CFAP299: variants seen among roughly 807,000 people sequenced by gnomAD.
CFAP299 encodes the protein cilia- and flagella-associated protein 299.
Under a neutral mutation model 27.0 loss-of-function variants are expected in CFAP299, and 21 were observed. The ratio of observed to expected loss-of-function variants is 0.78; its 90% CI spans 0.55 to 1.12. The LOEUF (loss-of-function observed/expected upper bound fraction) is 1.12. Ranked by LOEUF, CFAP299 falls within the 50% of genes most tolerant of loss-of-function variation. CFAP299 has a pLI of 0.00. For synonymous variants in CFAP299, 104 were observed against 98.1 expected (o/e 1.06, Z -0.36); for missense variants, 310 against 276.6 (o/e 1.12, Z -0.86).
intron 4 of CFAP299, among the ~76,000 whole-genome samples, chr4:80,880,692 C>T (rs1016689444): frequency 1.1e-4 from 16 of 151,978 alleles, no homozygotes; most frequent in Admixed American, 7.9e-4. Flanking sequence ...CACCACCGTA[C>T]TCCAGGCTAG....
intron 3 of CFAP299, among the ~76,000 whole-genome samples, chr4:80,635,724 TC>T (rs1214230797): frequency 6.6e-6 from 1 of 152,152 alleles, no homozygotes; most frequent in East Asian, 1.9e-4. Flanking sequence ...CTTAGATTCC[TC>T]CCAGGTGTTA....
chr4:80,911,602 TA>T (rs1735476263), intron 4 of CFAP299, among the ~76,000 whole-genome samples: 1 of 152,106 alleles, frequency 6.6e-6, no homozygotes, highest in Non-Finnish European at 1.5e-5. Flanking sequence ...CTTAGAGTGT[TA>T]AGAAAAAATC....
At position 80,591,904 on chromosome 4, in the gene CFAP299, A is replaced by T. The variant is rs188210731; in HGVS notation, c.333+8721A>T. Among the ~76,000 whole-genome samples the T allele has an allele frequency of 2.6e-3, 392 of 152,332 alleles. 2 individuals carry two copies. Among genetic ancestry groups the T allele is most frequent in the Non-Finnish European group, 4.3e-3 (292 of 68,014 alleles). Reference sequence around the variant, plus strand: ...TTAAAATTAGTATGGTTTATTTTTAACAAAGAGAGAATAATCATTTAGTAG... The same window carrying T: ...TTAAAATTAGTATGGTTTATTTTTATCAAAGAGAGAATAATCATTTAGTAG... On this transcript the variant is annotated intron_variant, in intron 3 of 5. Coordinates refer to ENST00000358105, the MANE Select transcript of CFAP299 (RefSeq NM_152770.3).
chr4:80,784,351 C>G (rs1727114085), intron 3 of CFAP299, among the ~76,000 whole-genome samples: 1 of 152,250 alleles, frequency 6.6e-6, no homozygotes, highest in East Asian at 1.9e-4. Flanking sequence ...ACACCCTCGC[C>G]AACACTTGTG....
At chr4:80,891,416 C>G (rs1425756165) in intron 4 of CFAP299, among the ~76,000 whole-genome samples, 1 of 151,168 alleles carries the variant, frequency 6.6e-6, no homozygotes, top group Non-Finnish European at 1.5e-5. Flanking sequence ...ACATATACAC[C>G]ATGGAATACT....
At chr4:80,341,378 C>T (rs1016320700) in intron 1 of CFAP299, among the ~76,000 whole-genome samples, 5 of 152,170 alleles carry the variant, frequency 3.3e-5, no homozygotes, top group Admixed American at 3.3e-4. Flanking sequence ...TCCCATCCTT[C>T]CTGACTGAGG....
the CFAP299 span, among the ~76,000 whole-genome samples, chr4:80,327,360 T>G: frequency 1.3e-5 from 2 of 151,942 alleles, no homozygotes; most frequent in Non-Finnish European, 2.9e-5. Flanking sequence ...AAGTAAGAGA[T>G]AAGACCAGAA....
chr4:80,656,704 A>AT (rs1740575761), intron 3 of CFAP299, among the ~76,000 whole-genome samples: 1 of 152,148 alleles, frequency 6.6e-6, no homozygotes, highest in Admixed American at 6.5e-5. Flanking sequence ...ATGTGTCTTT[A>AT]TAGTAGAATG....
chr4:80,631,870 C>A (rs866363483), intron 3 of CFAP299, among the ~76,000 whole-genome samples: 8 of 99,842 alleles, frequency 8.0e-5, no homozygotes, highest in African/African-American at 1.5e-4. Flanking sequence ...CCCCACCCCC[C>A]CCCAACCAAA....
At chr4:80,877,810 A>G (rs1199865832) in intron 4 of CFAP299, among the ~76,000 whole-genome samples, 2 of 152,174 alleles carry the variant, frequency 1.3e-5, no homozygotes, top group Admixed American at 1.3e-4. Flanking sequence ...TTCAAAGAAT[A>G]GTACAATGAA....
intron 3 of CFAP299, among the ~76,000 whole-genome samples, chr4:80,663,898 T>C (rs1305942245): frequency 1.3e-5 from 2 of 152,186 alleles, no homozygotes; most frequent in Admixed American, 1.3e-4. Flanking sequence ...AATTATGAGT[T>C]TTTTTTCATA....
intron 4 of CFAP299, among the ~76,000 whole-genome samples, chr4:80,930,330 G>A (rs908975994): frequency 3.9e-5 from 6 of 152,126 alleles, no homozygotes; most frequent in African/African-American, 1.4e-4. Context: ...ATAAACCAGT[G>A]AATGTGTTTC....
intron 2 of CFAP299, among the ~76,000 whole-genome samples, chr4:80,445,217 A>T (rs1308676295): frequency 6.6e-6 from 1 of 152,244 alleles, no homozygotes; most frequent in African/African-American, 2.4e-5. Context: ...ATAAAGACAC[A>T]TGCACACATA....
At chr4:80,399,137 T>A (rs1186140531) in intron 2 of CFAP299, among the ~76,000 whole-genome samples, 1 of 152,096 alleles carries the variant, frequency 6.6e-6, no homozygotes, top group Non-Finnish European at 1.5e-5. Flanking sequence ...AAAACCACAA[T>A]GAGATACCAT....
intron 2 of CFAP299, among the ~76,000 whole-genome samples, chr4:80,370,272 C>T (rs1724067868): frequency 6.6e-6 from 1 of 152,160 alleles, no homozygotes; most frequent in South Asian, 2.1e-4. Context: ...CACCAGGCCC[C>T]ACCTTTCTTC....
upstream of CFAP299, among the ~76,000 whole-genome samples, chr4:80,333,408 GT>G (rs922574634): frequency 7.9e-5 from 12 of 152,082 alleles, no homozygotes; most frequent in Non-Finnish European, 1.6e-4. Context: ...GTAAGTATAT[GT>G]TTTTTTCCTA....
intron 2 of CFAP299, among the ~76,000 whole-genome samples, chr4:80,445,666 G>A (rs559976085): frequency 1.8e-4 from 27 of 151,770 alleles, no homozygotes; most frequent in Middle Eastern, 6.8e-3. Flanking sequence ...AGAACTTAAA[G>A]TATATTAAAA....
intron 2 of CFAP299, among the ~76,000 whole-genome samples, chr4:80,468,821 G>A (rs375800361): frequency 5.2e-5 from 7 of 133,838 alleles, no homozygotes; most frequent in Admixed American, 4.7e-4. Context: ...GTGACAGAGC[G>A]AGACTCTGTC....
At chr4:80,528,225 C>T (rs1733287655) in intron 2 of CFAP299, among the ~76,000 whole-genome samples, 6 of 151,912 alleles carry the variant, frequency 3.9e-5, no homozygotes. Flanking sequence ...TCTTCTAACC[C>T]TTTTTTGAGC....
Sources: allele counts gnomAD v4.1 joint callset (sites outside exome capture counted in the v4.1 genomes callset), GRCh38; gene constraint gnomAD v4.1.1; transcripts MANE v1.5; gene names NCBI Gene and HGNC (gene_info 2026-07-23, HGNC 2026-07-21).